KDM4C: variants seen among roughly 807,000 people sequenced by gnomAD.
The protein encoded by KDM4C is lysine demethylase 4C, also known as lysine-specific demethylase 4C.
Under a neutral mutation model 129.3 loss-of-function variants are expected in KDM4C, and 81 were observed. The ratio of observed to expected loss-of-function variants is 0.63; its 90% CI spans 0.52 to 0.75. KDM4C has a LOEUF of 0.75. Ranked by LOEUF, KDM4C falls within the 30% of genes least tolerant of loss-of-function variation. The probability of loss-of-function intolerance (pLI) is 0.00; values close to 1 mark genes in which losing one functional copy is unlikely to be tolerated. For synonymous variants in KDM4C, 573 were observed against 456.1 expected (o/e 1.26, Z -3.26); for missense variants, 1,457 against 1,304.0 (o/e 1.12, Z -1.81).
intron 4 of KDM4C, among the ~76,000 whole-genome samples, chr9:6,839,396 GTTTTTT>G (rs36061484): frequency 9.1e-6 from 1 of 109,928 alleles, no homozygotes. Flanking sequence ...CACCTGGCCA[GTTTTTT>G]TTTTTTTTTT....
At chr9:7,096,132 G>A (rs955215981) in intron 17 of KDM4C, among the ~76,000 whole-genome samples, 1 of 152,112 alleles carries the variant, frequency 6.6e-6, no homozygotes, top group Admixed American at 6.5e-5. Context: ...TGAAATAAAG[G>A]ATGGAACCCA....
chr9:6,972,458 G>A (rs1832161947), intron 8 of KDM4C, among the ~76,000 whole-genome samples: 1 of 151,832 alleles, frequency 6.6e-6, no homozygotes, highest in Admixed American at 6.6e-5. Context: ...AAGATATTTG[G>A]TAAACACAGA....
chr9:7,069,772 T>A (rs1035238063), intron 17 of KDM4C, among the ~76,000 whole-genome samples: 18 of 152,170 alleles, frequency 1.2e-4, no homozygotes, highest in African/African-American at 4.3e-4. Flanking sequence ...AAAGGGAAGG[T>A]AAAGTCAAAA....
chr9:6,986,422 C>G lies in KDM4C; in HGVS notation c.1433C>G (p.Pro478Arg), dbSNP rs768543438. Residue 478 changes from proline to arginine, a missense_variant, in exon 11 of 22, where the codon CCT becomes CGT. Pro to Arg is a moderately radical substitution (Grantham distance 103). Coordinates refer to ENST00000381309, the MANE Select transcript of KDM4C (RefSeq NM_015061.6). ...DDKAYAYRSV[P>R]SISSEADDSI... Reference sequence around the variant, plus strand: ...AAAGCTTATGCATATAGAAGTGTACCTTCTATATCCAGTGAGGCTGATGAT... The same window carrying G: ...AAAGCTTATGCATATAGAAGTGTACGTTCTATATCCAGTGAGGCTGATGAT... The G allele has an allele frequency of 2.5e-6, 4 of 1,613,738 alleles. No individual in the cohort carries two copies. Among genetic ancestry groups the G allele is most frequent in the Non-Finnish European group, 3.4e-6 (4 of 1,179,820 alleles).
intron 5 of KDM4C, among the ~76,000 whole-genome samples, chr9:6,879,793 G>C (rs1211709226): frequency 1.3e-5 from 2 of 152,106 alleles, no homozygotes; most frequent in African/African-American, 4.8e-5. Context: ...GGCATGATGA[G>C]TTGTGACATT....
At chr9:6,745,578 CAA>C (rs57251333) in intron 1 of KDM4C, among the ~76,000 whole-genome samples, 1,574 of 106,962 alleles carry the variant, frequency 0.015, 32 homozygotes, top group African/African-American at 0.045. Context: ...GTCCTGTCTC[CAA>C]AAAAAAAAAA....
chr9:6,911,595 G>C (rs115795237), intron 8 of KDM4C, among the ~76,000 whole-genome samples: 2 of 152,156 alleles, frequency 1.3e-5, no homozygotes, highest in African/African-American at 4.8e-5. Context: ...AGATAAGTCA[G>C]ACCTGTTTAA....
chr9:6,953,654 T>C (rs925493416), intron 8 of KDM4C, among the ~76,000 whole-genome samples: 14 of 152,240 alleles, frequency 9.2e-5, no homozygotes, highest in Non-Finnish European at 1.6e-4. Context: ...TACCAATTCA[T>C]GTGGACCTTT....
In KDM4C at chr9:7,013,826, G is replaced by A. The variant is rs1452223191; in HGVS notation, c.2007G>A (p.Glu669=). The A allele has an allele frequency of 1.2e-5, 20 of 1,613,960 alleles. No homozygotes were observed. The East Asian group carries it at 4.5e-4, about 36-fold the overall frequency. The change falls in exon 14 of 22, where the codon GAG becomes GAA. Residue 669 remains glutamate, a synonymous_variant. Transcript: ENST00000381309. ...SSNEENDARW[E]TKLDEVVTSE... The stretch of plus-strand genomic sequence containing the variant: ...ATGAAGAAAATGATGCTAGATGGGA[G>A]ACAAAATTAGATGAAGTCGTTACAT...
intron 5 of KDM4C, among the ~76,000 whole-genome samples, chr9:6,853,763 T>C (rs1311159262): frequency 6.6e-6 from 1 of 152,210 alleles, no homozygotes; most frequent in African/African-American, 2.4e-5. Flanking sequence ...GGTAAAGTAT[T>C]ATTTTCTTGG....
chr9:7,088,198 C>A (rs1452002011), intron 17 of KDM4C, among the ~76,000 whole-genome samples: 1 of 152,208 alleles, frequency 6.6e-6, no homozygotes, highest in African/African-American at 2.4e-5. Flanking sequence ...CCTGCTTTGT[C>A]TGCCTCGGAA....
intron 8 of KDM4C, among the ~76,000 whole-genome samples, chr9:6,961,732 A>T (rs1482553117): frequency 1.3e-5 from 2 of 152,220 alleles, no homozygotes; most frequent in African/African-American, 4.8e-5. Context: ...ACAAAAATAA[A>T]AACATGGTGA....
rs571053403 is a variant in KDM4C, at chr9:6,943,633, C to G, written c.922-37292C>G. On this transcript the variant is annotated intron_variant, in intron 8 of 21. Coordinates refer to ENST00000381309, the MANE Select transcript of KDM4C (RefSeq NM_015061.6). ...AAAACTGCAGTGAGCCATAATTGCC[C>G]CACTGCACTCCAGTCTGGGCGACAT... Among the ~76,000 whole-genome samples, 84 of 152,038 alleles carry G rather than the reference C, an allele frequency of 5.5e-4. 1 individual carries two copies. The highest frequency in any genetic ancestry group is 2.0e-3 in the African/African-American group (81 of 41,408).
intron 17 of KDM4C, among the ~76,000 whole-genome samples, chr9:7,050,123 C>G (rs1469922850): frequency 2.0e-5 from 3 of 152,058 alleles, no homozygotes; most frequent in East Asian, 3.9e-4. Flanking sequence ...AACTCACAGT[C>G]TAGCCTACTG....
chr9:6,839,942 A>G (rs1836608418), intron 4 of KDM4C, among the ~76,000 whole-genome samples: 3 of 151,524 alleles, frequency 2.0e-5, no homozygotes, highest in Middle Eastern at 6.8e-3. Flanking sequence ...TTAATGAGAA[A>G]CACCATGTCA....
chr9:6,746,533 T>C (rs980430241), intron 1 of KDM4C, among the ~76,000 whole-genome samples: 2 of 150,108 alleles, frequency 1.3e-5, no homozygotes, highest in African/African-American at 4.9e-5. Flanking sequence ...CTTCCCAAAG[T>C]GCTGGGATTA....
At chr9:6,961,388 T>C (rs961056811) in intron 8 of KDM4C, among the ~76,000 whole-genome samples, 6 of 152,178 alleles carry the variant, frequency 3.9e-5, no homozygotes, top group Admixed American at 3.9e-4. Flanking sequence ...GTTTTGTGTT[T>C]ATGTTACTGC....
rs572522200 is a variant in KDM4C, at chr9:6,934,735, T to A, written c.921+41503T>A. Among the ~76,000 whole-genome samples, 26 of 152,202 alleles carry A rather than the reference T, an allele frequency of 1.7e-4. No individual in the cohort carries two copies. In the South Asian group the frequency reaches 5.2e-3, roughly 30 times the overall value. On this transcript the variant is annotated intron_variant, in intron 8 of 21. Transcript: ENST00000381309. ...CCTCGGCCTCCCAAAGTGCTGAGAT[T>A]GCAGGCGTGAGCCACTGCGCCCGGC... is the stretch of plus-strand genomic sequence containing the variant.
intron 5 of KDM4C, among the ~76,000 whole-genome samples, chr9:6,867,281 T>G (rs1842190684): frequency 6.6e-6 from 1 of 152,174 alleles, no homozygotes; most frequent in Admixed American, 6.5e-5. Flanking sequence ...CTGAAAGTGC[T>G]GGGATTACAG....
Sources: gnomAD v4.1 joint callset for allele counts (sites outside exome capture counted in the v4.1 genomes callset) on GRCh38, gnomAD v4.1.1 for gene constraint, MANE v1.5 for transcripts, NCBI Gene and HGNC (gene_info 2026-07-23, HGNC 2026-07-21) for gene names.